The following ACAD11 variants were observed in gnomAD, a reference collection of about 807,000 sequenced individuals.
ACAD11 encodes acyl-Coenzyme A dehydrogenase family, member 11.
A neutral mutation model predicts 102.2 loss-of-function variants in ACAD11; 83 were observed. The observed-to-expected ratio is 0.81, with a 90% CI of 0.68 to 0.97. ACAD11 has a LOEUF of 0.97. Among genes scored for constraint, ACAD11 ranks in the 50% least tolerant of loss-of-function variants. The pLI is 0.00. For missense variants in ACAD11, 901 were observed against 951.7 expected, an observed-to-expected ratio of 0.95 and a Z score of 0.70; for synonymous variants, 324 against 319.8, an observed-to-expected ratio of 1.01 and a Z score of -0.14.
chr3:132,635,723 T>C (rs893675112), intron 5 of ACAD11, among the ~76,000 whole-genome samples: 6 of 152,302 alleles, frequency 3.9e-5, no homozygotes, highest in African/African-American at 1.4e-4. Context: ...AATATGTATT[T>C]ATTTGATGAA....
Position 132,558,558 on chromosome 3 carries a change from T to C in ACAD11, c.*413A>G, listed in dbSNP as rs137862717. ...ACTCGGTCACCCAGGCTGGAGGCCA[T>C]GTCACGATCACAGCTTACTGTAACC... On this transcript the variant is annotated 3_prime_UTR_variant, in exon 20 of 20. Coordinates refer to ENST00000264990, the MANE Select transcript of ACAD11 (RefSeq NM_032169.5). The C allele has an allele frequency of 1.0e-4, 16 of 155,828 alleles. No individual in the cohort carries two copies. The East Asian group carries it at 2.7e-3, about 26-fold the overall frequency. The allele number at this position is 155,828 out of a possible 1,614,324, so 9.7% of individuals were successfully genotyped here.
intron 13 of ACAD11, among the ~76,000 whole-genome samples, chr3:132,599,938 G>A (rs907294849): frequency 1.3e-5 from 2 of 151,916 alleles, no homozygotes; most frequent in Non-Finnish European, 2.9e-5. Flanking sequence ...AATAAACCAA[G>A]TAATTTGCTA....
chr3:132,655,266 C>T (rs1232383354), intron 1 of ACAD11, among the ~76,000 whole-genome samples: 1 of 152,124 alleles, frequency 6.6e-6, no homozygotes, highest in Non-Finnish European at 1.5e-5. Flanking sequence ...GCCCTTGGCC[C>T]CTTCAGTCAA....
At chr3:132,639,002 C>T (rs568634955) in intron 5 of ACAD11, among the ~76,000 whole-genome samples, 1 of 152,272 alleles carries the variant, frequency 6.6e-6, no homozygotes, top group African/African-American at 2.4e-5. Context: ...ACAGTATGCA[C>T]ATTTACATTG....
intron 5 of ACAD11, among the ~76,000 whole-genome samples, chr3:132,635,756 T>A (rs1011119216): frequency 5.3e-5 from 8 of 152,148 alleles, no homozygotes; most frequent in Non-Finnish European, 1.5e-5. Context: ...TTGGCATATA[T>A]AGCAAGGCAA....
chr3:132,621,525 C>A (rs1939606915), intron 9 of ACAD11, among the ~76,000 whole-genome samples: 1 of 152,010 alleles, frequency 6.6e-6, no homozygotes, highest in South Asian at 2.1e-4. Context: ...ATTGCCACCT[C>A]TCCCCAGCAA....
At chr3:132,565,218 T>TC in intron 17 of ACAD11, among the ~76,000 whole-genome samples, 1 of 152,058 alleles carries the variant, frequency 6.6e-6, no homozygotes, top group Non-Finnish European at 1.5e-5. Context: ...GTGCCCCAGC[T>TC]CCCCTGCCAG....
intron 17 of ACAD11, among the ~76,000 whole-genome samples, chr3:132,575,564 G>A (rs1422423815): frequency 1.3e-5 from 2 of 152,152 alleles, no homozygotes; most frequent in African/African-American, 4.8e-5. Context: ...GTGTGCAGAG[G>A]TGTTGAAGCA....
chr3:132,645,548 T>G (rs1233605222), intron 1 of ACAD11, among the ~76,000 whole-genome samples: 1 of 152,212 alleles, frequency 6.6e-6, no homozygotes, highest in African/African-American at 2.4e-5. Context: ...AGTCTATTCC[T>G]TCACTTATAA....
chr3:132,568,513 T>C (rs1937276688), intron 17 of ACAD11, among the ~76,000 whole-genome samples: 1 of 152,218 alleles, frequency 6.6e-6, no homozygotes. Flanking sequence ...TTTTAAATTA[T>C]ATGCAAAGGC....
chr3:132,626,912 CA>C, intron 8 of ACAD11, 95 bp from the exon 9 acceptor site: 2 of 1,227,040 alleles, frequency 1.6e-6, no homozygotes, highest in Non-Finnish European at 2.2e-6. Context: ...CTCAGCTACC[CA>C]AAAAACATCC....
chr3:132,653,810 C>T (rs1372358503), intron 1 of ACAD11, among the ~76,000 whole-genome samples: 1 of 152,136 alleles, frequency 6.6e-6, no homozygotes, highest in Admixed American at 6.5e-5. Context: ...AATTTGCTAA[C>T]TTCTTAATAT....
At chr3:132,574,374 C>A (rs569057421) in intron 17 of ACAD11, among the ~76,000 whole-genome samples, 32 of 152,332 alleles carry the variant, frequency 2.1e-4, no homozygotes, top group African/African-American at 7.5e-4. Context: ...AACAGCTGAA[C>A]TTTGCTGTAT....
intron 13 of ACAD11, among the ~76,000 whole-genome samples, chr3:132,586,096 G>A (rs1320186981): frequency 6.6e-6 from 1 of 152,154 alleles, no homozygotes; most frequent in Non-Finnish European, 1.5e-5. Flanking sequence ...CAACCCAAAT[G>A]TCCAATAATG....
At chr3:132,658,299 G>C (rs1937926462) in intron 1 of ACAD11, among the ~76,000 whole-genome samples, 2 of 152,104 alleles carry the variant, frequency 1.3e-5, no homozygotes, top group Admixed American at 1.3e-4. Flanking sequence ...GGGATCCAGA[G>C]TTCCATATAT....
rs115921057 is a variant in ACAD11 at position 132,577,576 on chromosome 3, T to C, written c.1775-561A>G. ...AGTCTAGACTTGTTCCACTGTGTGT[T>C]CGTCTCTTGAAAATACTGGCATTTG... On this transcript the variant is annotated intron_variant, in intron 15 of 19. Transcript: ENST00000264990. Among the ~76,000 whole-genome samples the C allele has an allele frequency of 4.5e-3, 688 of 152,278 alleles. 5 individuals carry two copies. Among genetic ancestry groups the C allele is most frequent in the African/African-American group, 0.016 (657 of 41,562 alleles).
chr3:132,656,226 G>C (rs1291306514), intron 1 of ACAD11, among the ~76,000 whole-genome samples: 3 of 152,036 alleles, frequency 2.0e-5, no homozygotes, highest in Non-Finnish European at 2.9e-5. Flanking sequence ...CATCCATTCT[G>C]TATCTATAGA....
intron 1 of ACAD11, among the ~76,000 whole-genome samples, chr3:132,645,402 C>G (rs376602192): frequency 5.1e-4 from 78 of 152,294 alleles, no homozygotes; most frequent in African/African-American, 1.9e-3. Flanking sequence ...TGAGGTCCCA[C>G]AGTGAGCATC....
At chr3:132,600,699 C>T (rs1298442847) in intron 13 of ACAD11, 6 of 1,613,732 alleles carry the variant, frequency 3.7e-6, no homozygotes, top group East Asian at 4.5e-5. Flanking sequence ...GCTGTTAATG[C>T]AGTTCATGGG....
Sources: allele counts gnomAD v4.1 joint callset (sites outside exome capture counted in the v4.1 genomes callset), GRCh38; gene constraint gnomAD v4.1.1; transcripts MANE v1.5; gene names NCBI Gene and HGNC (gene_info 2026-07-23, HGNC 2026-07-21).